The following SYT6 variants were observed in gnomAD, a reference collection of about 807,000 sequenced individuals.
SYT6 encodes the protein synaptotagmin-6.
Under a neutral mutation model 38.4 loss-of-function variants are expected in SYT6, and 24 were observed. The ratio of observed to expected loss-of-function variants is 0.62; its 90% confidence interval spans 0.45 to 0.88. The LOEUF is 0.88. Ranked by LOEUF, SYT6 falls within the 40% of genes least tolerant of loss-of-function variation. SYT6 has a pLI of 0.00. For synonymous variants in SYT6, 265 were observed against 241.9 expected (o/e 1.10, Z -0.89); for missense variants, 611 against 621.0 (o/e 0.98, Z 0.17).
chr1:114,141,701 A>G (rs1678875613), intron 1 of SYT6, among the ~76,000 whole-genome samples: 1 of 152,212 alleles, frequency 6.6e-6, no homozygotes, highest in Admixed American at 6.5e-5. Flanking sequence ...TTTCATAGCT[A>G]GAAAGGGGAA....
intron 1 of SYT6, among the ~76,000 whole-genome samples, chr1:114,151,743 GC>G (rs1679447522): frequency 6.6e-6 from 1 of 152,150 alleles, no homozygotes; most frequent in Non-Finnish European, 1.5e-5. Flanking sequence ...GTAGGGAGAG[GC>G]AGGAAGAGGC....
At chr1:114,108,019 C>A (rs1037029114) in intron 3 of SYT6, among the ~76,000 whole-genome samples, 1 of 152,196 alleles carries the variant, frequency 6.6e-6, no homozygotes, top group Non-Finnish European at 1.5e-5. Context: ...GCGTAGCCCT[C>A]TAGACTTCTA....
intron 3 of SYT6, among the ~76,000 whole-genome samples, chr1:114,131,600 C>A (rs988785098): frequency 6.6e-6 from 1 of 152,212 alleles, no homozygotes; most frequent in Non-Finnish European, 1.5e-5. Flanking sequence ...GGGCACAGGG[C>A]ATCCCCTACA....
rs1190912740 is a variant in SYT6, at chr1:114,153,801, C to T, written c.-29G>A. 1.6e-6 allele frequency: 1 copy of T among 623,040 alleles called. No homozygotes were observed. The highest frequency in any genetic ancestry group is 2.8e-6 in the Non-Finnish European group (1 of 354,376). The allele number at this position is 623,040 out of a possible 1,614,324, so 38.6% of individuals were successfully genotyped here. ...CTAGACACCCAGGCTTGCCGAGCAG[C>T]AGCTCGAACCCGCGCCCCGGCCGCA... is the stretch of plus-strand genomic sequence containing the variant. On this transcript the variant is annotated 5_prime_UTR_variant, in exon 1 of 8. Transcript: ENST00000610222.
intron 2 of SYT6, 128 bp downstream of exon 2, chr1:114,139,487 C>T: frequency 1.4e-6 from 2 of 1,409,070 alleles, no homozygotes; most frequent in Non-Finnish European, 9.5e-7. Context: ...CATCATCTGA[C>T]ATATTTGTCA....
At chr1:114,107,821 C>G (rs1185936851) in intron 3 of SYT6, among the ~76,000 whole-genome samples, 1 of 152,174 alleles carries the variant, frequency 6.6e-6, no homozygotes, top group Non-Finnish European at 1.5e-5. Flanking sequence ...AGCCTTTTAT[C>G]CTCATTAGAG....
intron 3 of SYT6, among the ~76,000 whole-genome samples, chr1:114,130,252 T>C (rs570485319): frequency 3.3e-5 from 5 of 152,164 alleles, no homozygotes; most frequent in African/African-American, 1.2e-4. Flanking sequence ...ATACTATTTA[T>C]CTTAGTCATT....
intron 1 of SYT6, among the ~76,000 whole-genome samples, chr1:114,146,555 A>G (rs1679164556): frequency 6.6e-6 from 1 of 152,240 alleles, no homozygotes; most frequent in South Asian, 2.1e-4. Context: ...CAACTCTGCC[A>G]GTTTCTGAGT....
intron 3 of SYT6, among the ~76,000 whole-genome samples, chr1:114,107,321 C>A (rs1356549929): frequency 6.6e-6 from 1 of 152,220 alleles, no homozygotes; most frequent in Non-Finnish European, 1.5e-5. Flanking sequence ...TTTTGCAGGA[C>A]CCCTGCTCTT....
intron 1 of SYT6, among the ~76,000 whole-genome samples, chr1:114,148,608 C>CGTTTAGCCTGGGAAGAGAAGAGA (rs1679275649): frequency 1.3e-5 from 2 of 152,092 alleles, no homozygotes; most frequent in African/African-American, 4.8e-5. Context: ...GGAAGAAGAG[C>CGTTTAGCCTGGGAAGAGAAGAGA]GTTTAGCCTG....
rs575907887 is a variant in SYT6 at position 114,153,690 on chromosome 1, G to A, written c.83C>T (p.Pro28Leu). The A allele has an allele frequency of 2.6e-4, 177 of 675,182 alleles. No homozygotes were observed. The African/African-American group carries it at 2.7e-3, about 10-fold the overall frequency. The allele number at this position is 675,182 out of a possible 1,614,324, so 41.8% of individuals were successfully genotyped here. Residue 28 changes from proline (P) to leucine (L), a missense_variant, in exon 1 of 8, where the codon CCC becomes CTC. Coordinates refer to ENST00000610222, the MANE Select transcript of SYT6 (RefSeq NM_001253772.2). ...AGTCTCCACGTCCAGCCCGAGAGGG[G>A]GCGGCCGGGCCCGGCACAGCGAGGC... ...VLASLCRARP[P>L]PLGLDVETCR... is the part of the protein sequence containing the mutation.
intron 1 of SYT6, among the ~76,000 whole-genome samples, chr1:114,144,463 C>T (rs1679052490): frequency 6.6e-6 from 1 of 152,206 alleles, no homozygotes; most frequent in Non-Finnish European, 1.5e-5. Flanking sequence ...ATGTCCACCA[C>T]CCAGGCTGGC....
chr1:114,091,926 T>A lies in SYT6; in HGVS notation c.*208A>T. The A allele has an allele frequency of 7.1e-7, 1 of 1,410,702 alleles. No homozygotes were observed. Among genetic ancestry groups the A allele is most frequent in the South Asian group, 1.3e-5 (1 of 79,952 alleles). 87.4% of individuals were successfully genotyped at this position (1,410,702 alleles called of 1,614,324 possible). The stretch of plus-strand genomic sequence containing the variant: ...GGACGGCTGCCGCTGCTGCCGCCAC[T>A]GCGACTGCACAACACTGTTTAGACG... On this transcript the variant is annotated 3_prime_UTR_variant, in exon 8 of 8. Transcript: ENST00000610222.
chr1:114,145,424 C>G (rs1357887093), intron 1 of SYT6, among the ~76,000 whole-genome samples: 6 of 151,824 alleles, frequency 4.0e-5, no homozygotes, highest in Non-Finnish European at 1.5e-5. Context: ...ACAACCCAGC[C>G]AGTCTGGTTC....
intron 3 of SYT6, among the ~76,000 whole-genome samples, chr1:114,127,820 G>C (rs925279443): frequency 6.6e-6 from 1 of 152,248 alleles, no homozygotes; most frequent in Non-Finnish European, 1.5e-5. Flanking sequence ...ATTGGCCCAA[G>C]GGAGGGGGTG....
chr1:114,141,773 G>A (rs1336943373), intron 1 of SYT6, among the ~76,000 whole-genome samples: 1 of 152,194 alleles, frequency 6.6e-6, no homozygotes, highest in African/African-American at 2.4e-5. Flanking sequence ...GGCTAACACA[G>A]CTGATGACTT....
At chr1:114,106,449 C>T (rs758473421) in intron 3 of SYT6, among the ~76,000 whole-genome samples, 30 of 152,014 alleles carry the variant, frequency 2.0e-4, no homozygotes, top group Non-Finnish European at 2.8e-4. Context: ...TGCTTTGGTG[C>T]CAGATTTTCA....
intron 3 of SYT6, 132 bp from the exon 4 acceptor site, chr1:114,103,853 T>C (rs1019714772): frequency 8.5e-7 from 1 of 1,171,446 alleles, no homozygotes; most frequent in African/African-American, 1.5e-5. Context: ...TTTTTAAGAC[T>C]AAGGGACTGG....
chr1:114,125,914 G>C (rs540997331), intron 3 of SYT6, among the ~76,000 whole-genome samples: 9 of 152,222 alleles, frequency 5.9e-5, no homozygotes, highest in Admixed American at 5.9e-4. Context: ...TTTTGGGAGA[G>C]GGGAGGGGGT....
Sources: allele counts gnomAD v4.1 joint callset (sites outside exome capture counted in the v4.1 genomes callset), GRCh38; gene constraint gnomAD v4.1.1; transcripts MANE v1.5; gene names NCBI Gene and HGNC (gene_info 2026-07-23, HGNC 2026-07-21).